The following MED13L variants were observed in gnomAD, a reference collection of about 807,000 sequenced individuals.
MED13L encodes mediator of RNA polymerase II transcription subunit 13-like.
In MED13L, 7 loss-of-function variants were observed where a neutral mutation model predicts 220.9. The ratio of observed to expected loss-of-function variants is 0.03; its 90% CI spans 0.02 to 0.06. The LOEUF is 0.06. Among genes scored for constraint, MED13L ranks in the 10% least tolerant of loss-of-function variants. MED13L has a pLI of 1.00. For missense variants in MED13L, 1,965 were observed against 2,760.5 expected, an observed-to-expected ratio of 0.71 and a Z score of 6.46; for synonymous variants, 1,011 against 1,015.2, an observed-to-expected ratio of 1.00 and a Z score of 0.08.
rs1414733698 is a variant in MED13L at position 116,240,128 on chromosome 12, T to C, written c.73-2423A>G. On this transcript the variant is annotated intron_variant, in intron 1 of 30. Transcript: ENST00000281928. ...TATCTTACAAGTTCCTTTTTTTTTT[T>C]CTGAGATGGAGCCTCGCTCTGTCAC... Among the ~76,000 whole-genome samples the C allele has an allele frequency of 2.6e-5, 4 of 151,450 alleles. 1 individual carries two copies. The highest frequency in any genetic ancestry group is 1.5e-5 in the Non-Finnish European group (1 of 67,752).
At position 116,270,116 on chromosome 12, in the gene MED13L, AG is replaced by A. The variant is rs148976531; in HGVS notation, c.72+6943del. On this transcript the variant is annotated intron_variant, in intron 1 of 30. Transcript: ENST00000281928. ...GGAGGATTATTACAGCTAATATGTGAGGATAAAATCTATTCTATACCACAGA... is the reference window on the plus strand; with the variant it reads ...GGAGGATTATTACAGCTAATATGTGAGATAAAATCTATTCTATACCACAGA... Among the ~76,000 whole-genome samples, 10 of 152,226 alleles carry A rather than the reference AG, an allele frequency of 6.6e-5. No homozygotes were observed. The East Asian group carries it at 1.9e-3, about 29-fold the overall frequency.
chr12:116,126,428 C>A (rs779781560), intron 2 of MED13L, among the ~76,000 whole-genome samples: 4 of 152,142 alleles, frequency 2.6e-5, no homozygotes, highest in Non-Finnish European at 5.9e-5. Flanking sequence ...GTGGTTTCTT[C>A]CTGTGGTCCT....
At chr12:116,093,446 C>T (rs1056134274) in intron 4 of MED13L, among the ~76,000 whole-genome samples, 2 of 151,966 alleles carry the variant, frequency 1.3e-5, no homozygotes, top group African/African-American at 4.8e-5. Context: ...AACATCAACT[C>T]ATATCAAATA....
At chr12:116,230,375 G>T in intron 2 of MED13L, 1 of 614,722 alleles carries the variant, frequency 1.6e-6, no homozygotes, top group Non-Finnish European at 2.0e-6. Flanking sequence ...ACTCCAGCCT[G>T]GGTGACAAAG....
intron 1 of MED13L, among the ~76,000 whole-genome samples, chr12:116,255,479 T>C (rs1871965128): frequency 6.6e-6 from 1 of 152,340 alleles, no homozygotes; most frequent in Non-Finnish European, 1.5e-5. Context: ...ATGGCAAAGA[T>C]GTCTTAGGAC....
chr12:115,975,101 G>T, intron 25 of MED13L, 70 bp downstream of exon 25: 4 of 1,446,682 alleles, frequency 2.8e-6, no homozygotes, highest in Non-Finnish European at 2.9e-6. Flanking sequence ...TTCTCCCTTA[G>T]CTCAGTTAAT....
chr12:116,003,696 G>T (rs1878884827), intron 13 of MED13L, among the ~76,000 whole-genome samples: 1 of 152,048 alleles, frequency 6.6e-6, no homozygotes, highest in South Asian at 2.1e-4. Context: ...ATGAACTGGT[G>T]ATGAATTAAA....
Position 116,008,631 on chromosome 12 carries a change from A to G in MED13L, c.1782T>C (p.Thr594=). Residue 594 remains threonine (T), a synonymous_variant, in exon 10 of 31, where the codon ACT becomes ACC. Coordinates refer to ENST00000281928, the MANE Select transcript of MED13L (RefSeq NM_015335.5). ...CTACGAGGACAGTTCTGTCATCCAGAGTAGACAACTGCTGGAGTTCTAGTC... is the reference window on the plus strand; with the variant it reads ...CTACGAGGACAGTTCTGTCATCCAGGGTAGACAACTGCTGGAGTTCTAGTC... ...GNGLELQQLS[T]LDDRTVLVGQ... is the part of the protein sequence containing the mutation. 1 of 1,614,092 alleles carries G rather than the reference A, an allele frequency of 6.2e-7. No individual in the cohort carries two copies. The highest frequency in any genetic ancestry group is 8.5e-7 in the Non-Finnish European group (1 of 1,180,010).
At chr12:116,012,936 A>T (rs375209167) in intron 8 of MED13L, 35 bp from the exon 9 acceptor site, 106 of 1,426,898 alleles carry the variant, frequency 7.4e-5, no homozygotes, top group Non-Finnish European at 7.4e-5. Context: ...ATGTGTGAAC[A>T]TAATACCCAT....
chr12:116,008,915 C>T lies in MED13L; in HGVS notation c.1498G>A (p.Glu500Lys), dbSNP rs920823476. 2 of 1,614,000 alleles carry T rather than the reference C, an allele frequency of 1.2e-6. No individual in the cohort carries two copies. Among genetic ancestry groups the T allele is most frequent in the South Asian group, 1.1e-5 (1 of 91,090 alleles). The change falls in exon 10 of 31, where the codon GAG (glutamate) becomes AAG (lysine). Residue 500 changes from glutamate to lysine, a missense_variant. Coordinates refer to ENST00000281928, the MANE Select transcript of MED13L (RefSeq NM_015335.5). ...RPSVAEELCM[E>K]QDTPGQKLGL... ...AGTTTCTGTCCTGGTGTATCTTGCT[C>T]CATGCATAATTCTTCGGCCACAGAG...
chr12:116,193,609 T>A (rs1881424807), intron 2 of MED13L, among the ~76,000 whole-genome samples: 1 of 39,098 alleles, frequency 2.6e-5, no homozygotes. Context: ...AAAGTAGAAA[T>A]CTCTCAGAAA....
intron 1 of MED13L, among the ~76,000 whole-genome samples, chr12:116,259,232 C>T (rs536833283): frequency 6.6e-6 from 1 of 152,192 alleles, no homozygotes; most frequent in Admixed American, 6.5e-5. Flanking sequence ...CATAAAAATA[C>T]TTGAAGACAA....
chr12:116,108,114 A>C (rs10850594), intron 3 of MED13L, among the ~76,000 whole-genome samples: 40,478 of 150,730 alleles, frequency 0.27, 5,473 homozygotes, highest in East Asian at 0.38. Flanking sequence ...AACAAACAAA[A>C]AAAAAAAACC....
intron 3 of MED13L, among the ~76,000 whole-genome samples, chr12:116,101,364 G>C (rs1873049915): frequency 6.6e-6 from 1 of 152,192 alleles, no homozygotes; most frequent in Non-Finnish European, 1.5e-5. Flanking sequence ...TCTATATTGG[G>C]AGGTGCTCAA....
chr12:116,059,085 T>TA (rs1429068705), intron 4 of MED13L, among the ~76,000 whole-genome samples: 2 of 152,218 alleles, frequency 1.3e-5, no homozygotes, highest in Non-Finnish European at 2.9e-5. Flanking sequence ...TTTTTTTTGT[T>TA]AAGACAGGGT....
At chr12:116,253,664 C>G (rs1871768437) in intron 1 of MED13L, among the ~76,000 whole-genome samples, 1 of 150,704 alleles carries the variant, frequency 6.6e-6, no homozygotes, top group African/African-American at 2.4e-5. Flanking sequence ...TATAATTCAC[C>G]ATATTAAAAG....
intron 16 of MED13L, among the ~76,000 whole-genome samples, chr12:115,993,431 T>C (rs1878197445): frequency 6.6e-6 from 1 of 152,164 alleles, no homozygotes; most frequent in Non-Finnish European, 1.5e-5. Context: ...AAGAAATGTC[T>C]CTTCAAATAA....
chr12:116,259,650 T>C (rs1225486440), intron 1 of MED13L, among the ~76,000 whole-genome samples: 3 of 152,342 alleles, frequency 2.0e-5, no homozygotes, highest in Admixed American at 6.5e-5. Flanking sequence ...TGAATCTTTC[T>C]ACCTTATGTG....
intron 30 of MED13L, among the ~76,000 whole-genome samples, chr12:115,961,929 C>A (rs1218767112): frequency 6.6e-6 from 1 of 151,318 alleles, no homozygotes; most frequent in Non-Finnish European, 1.5e-5. Context: ...CATGCCACTG[C>A]ACTCCAGCCT....
Sources: allele counts gnomAD v4.1 joint callset (sites outside exome capture counted in the v4.1 genomes callset), GRCh38; gene constraint gnomAD v4.1.1; transcripts MANE v1.5; gene names NCBI Gene and HGNC (gene_info 2026-07-23, HGNC 2026-07-21).